The following JAM3 variants were observed in gnomAD, a reference collection of about 807,000 sequenced individuals.
JAM3 encodes the protein junctional adhesion molecule 3, also known as junctional adhesion molecule C.
A neutral mutation model predicts 39.4 loss-of-function variants in JAM3; 31 were observed. That is an observed-to-expected ratio of 0.79 (90% CI 0.59 to 1.06). The LOEUF (loss-of-function observed/expected upper bound fraction) is 1.06, where lower values mean the gene tolerates loss of function less well. Among genes scored for constraint, JAM3 ranks in the 50% least tolerant of loss-of-function variants. The probability of loss-of-function intolerance (pLI) is 0.00; values close to 1 mark genes in which losing one functional copy is unlikely to be tolerated. For missense variants in JAM3, 455 were observed against 391.4 expected, an observed-to-expected ratio of 1.16 and a Z score of -1.37; for synonymous variants, 182 against 148.7, an observed-to-expected ratio of 1.22 and a Z score of -1.63.
intron 1 of JAM3, among the ~76,000 whole-genome samples, chr11:134,085,278 G>A (rs1941729781): frequency 6.6e-6 from 1 of 152,152 alleles, no homozygotes; most frequent in Admixed American, 6.5e-5. Context: ...AATGAATTAT[G>A]AAGTAGAAAG....
At position 134,144,406 on chromosome 11, in the gene JAM3, G is replaced by A. The variant is rs1364769270; in HGVS notation, c.409+13G>A. The A allele has an allele frequency of 1.9e-6, 3 of 1,614,118 alleles. No homozygotes were observed. Among genetic ancestry groups the A allele is most frequent in the Non-Finnish European group, 2.5e-6 (3 of 1,179,972 alleles). Reference sequence around the variant, plus strand: ...TTAACTGTGCAAGGTAGGAGCTCATGCGAAGGTGAGACATTGCCACCATAG... The same window carrying A: ...TTAACTGTGCAAGGTAGGAGCTCATACGAAGGTGAGACATTGCCACCATAG... On this transcript the variant is annotated intron_variant, in intron 4 of 8. Transcript: ENST00000299106.
Position 134,121,416 on chromosome 11 carries a change from G to T in JAM3, c.77-18435G>T, listed in dbSNP as rs182996493. Among the ~76,000 whole-genome samples the T allele has an allele frequency of 8.4e-3, 1,219 of 145,918 alleles. 11 individuals carry two copies. Among genetic ancestry groups the T allele is most frequent in the African/African-American group, 0.03 (1,144 of 38,146 alleles). On this transcript the variant is annotated intron_variant, in intron 1 of 8. Coordinates refer to ENST00000299106, the MANE Select transcript of JAM3 (RefSeq NM_032801.5). ...GCTAGGAAGGCCATTGTGAGCAGAA[G>T]CGAGTCAGTATTTCCTCATTTCCTC...
chr11:134,084,775 T>C (rs1162204144), intron 1 of JAM3, among the ~76,000 whole-genome samples: 1 of 152,214 alleles, frequency 6.6e-6, no homozygotes, highest in African/African-American at 2.4e-5. Flanking sequence ...GGATTTCACC[T>C]AGCAGTGTGT....
Position 134,149,438 on chromosome 11 carries a change from A to T in JAM3, c.*257A>T. ...GTGCGTTCACTGAGTTGGGTTCCTA[A>T]TCTGTTTCTGGCCTGATTCCCGCAT... is the stretch of plus-strand genomic sequence containing the variant. On this transcript the variant is annotated 3_prime_UTR_variant, in exon 9 of 9. Coordinates refer to ENST00000299106, the MANE Select transcript of JAM3 (RefSeq NM_032801.5). 8.4e-6 allele frequency: 5 copies of T among 596,664 alleles called. No individual in the cohort carries two copies. In the South Asian group the frequency reaches 9.6e-5, roughly 11 times the overall value. 37.0% of individuals were successfully genotyped at this position (596,664 alleles called of 1,614,324 possible). A position where few individuals can be genotyped will look rare whatever the true frequency, so the allele number is the denominator to read the frequency against.
chr11:134,128,390 T>G (rs940927576), intron 1 of JAM3, among the ~76,000 whole-genome samples: 2 of 152,188 alleles, frequency 1.3e-5, no homozygotes, highest in Non-Finnish European at 1.5e-5. Flanking sequence ...TCAAGCATAT[T>G]TTGGTACTCA....
At chr11:134,114,596 A>G (rs1228923317) in intron 1 of JAM3, among the ~76,000 whole-genome samples, 1 of 152,148 alleles carries the variant, frequency 6.6e-6, no homozygotes, top group African/African-American at 2.4e-5. Context: ...TTCCCTTTTG[A>G]TTCTTCTTTG....
At chr11:134,106,794 A>C (rs939508947) in intron 1 of JAM3, among the ~76,000 whole-genome samples, 2 of 152,242 alleles carry the variant, frequency 1.3e-5, no homozygotes, top group Non-Finnish European at 2.9e-5. Context: ...ACCATCTCAC[A>C]CCAGTTAGAA....
intron 1 of JAM3, among the ~76,000 whole-genome samples, chr11:134,138,420 G>GA (rs200998737): frequency 1.7e-5 from 2 of 115,410 alleles, no homozygotes; most frequent in African/African-American, 7.6e-5. Context: ...TGCTCATACT[G>GA]GAAGAAATGT....
chr11:134,149,495 A>C lies in JAM3; in HGVS notation c.*314A>C. The C allele has an allele frequency of 1.9e-6, 1 of 518,044 alleles. No homozygotes were observed. Among genetic ancestry groups the C allele is most frequent in the South Asian group, 1.8e-5 (1 of 55,132 alleles). The allele number at this position is 518,044 out of a possible 1,614,324, so 32.1% of individuals were successfully genotyped here. A position where few individuals can be genotyped will look rare whatever the true frequency, so the allele number is the denominator to read the frequency against. On this transcript the variant is annotated 3_prime_UTR_variant, in exon 9 of 9. Transcript: ENST00000299106. ...TAGGGTGATCTTAAAGAGTTTGCTCACGTAAACGCCCGTGCTGGGCCCTGT... is the reference window on the plus strand; with the variant it reads ...TAGGGTGATCTTAAAGAGTTTGCTCCCGTAAACGCCCGTGCTGGGCCCTGT...
intron 5 of JAM3, chr11:134,145,249 G>A (rs1461457225): frequency 1.8e-6 from 1 of 554,908 alleles, no homozygotes; most frequent in Non-Finnish European, 3.2e-6. Flanking sequence ...ATGTTACTAG[G>A]GCCCTGATCG....
At chr11:134,145,853 A>C in intron 5 of JAM3, 93 bp from the exon 6 acceptor site, 1 of 820,894 alleles carries the variant, frequency 1.2e-6, no homozygotes, top group Non-Finnish European at 2.2e-6. Context: ...GCAAGCGAGC[A>C]GGTGTCGACC....
intron 1 of JAM3, among the ~76,000 whole-genome samples, chr11:134,069,595 G>A (rs1326097079): frequency 1.3e-5 from 2 of 151,982 alleles, no homozygotes; most frequent in African/African-American, 4.8e-5. Context: ...TCCTGTGCTG[G>A]GCGGTGGGCT....
chr11:134,080,856 G>A (rs534306852), intron 1 of JAM3, among the ~76,000 whole-genome samples: 13 of 152,272 alleles, frequency 8.5e-5, no homozygotes, highest in African/African-American at 2.6e-4. Flanking sequence ...AGAAAATGTG[G>A]GAAAGTTTGG....
intron 1 of JAM3, among the ~76,000 whole-genome samples, chr11:134,102,383 C>A (rs1942091828): frequency 6.6e-6 from 1 of 152,062 alleles, no homozygotes; most frequent in Admixed American, 6.6e-5. Context: ...TCATCGAGGA[C>A]CAAAGGTAGA....
Position 134,101,131 on chromosome 11 carries a change from C to T in JAM3, c.76+31972C>T, listed in dbSNP as rs75708856. On this transcript the variant is annotated intron_variant, in intron 1 of 8. Transcript: ENST00000299106. Reference sequence around the variant, plus strand: ...GCACTGTGAACATTTCTTCTCTGTTCTTACCCATCTTCAAACAGAAACAAC... The same window carrying T: ...GCACTGTGAACATTTCTTCTCTGTTTTTACCCATCTTCAAACAGAAACAAC... Among the ~76,000 whole-genome samples, 1,102 of 152,256 alleles carry T rather than the reference C, an allele frequency of 7.2e-3. 9 individuals carry two copies. The highest frequency in any genetic ancestry group is 0.025 in the African/African-American group (1,037 of 41,552).
At chr11:134,117,295 T>A (rs2120755364) in intron 1 of JAM3, among the ~76,000 whole-genome samples, 1 of 152,290 alleles carries the variant, frequency 6.6e-6, no homozygotes, top group Non-Finnish European at 1.5e-5. Flanking sequence ...AAGAATTGCT[T>A]GAACCCGGGA....
At chr11:134,130,762 G>A (rs1220831688) in intron 1 of JAM3, among the ~76,000 whole-genome samples, 1 of 152,306 alleles carries the variant, frequency 6.6e-6, no homozygotes, top group African/African-American at 2.4e-5. Flanking sequence ...CTCTCAAACC[G>A]GAGGGAACAG....
chr11:134,119,842 T>G (rs1942501213), intron 1 of JAM3, among the ~76,000 whole-genome samples: 1 of 152,332 alleles, frequency 6.6e-6, no homozygotes, highest in African/African-American at 2.4e-5. Context: ...TGATACTTGG[T>G]TGGGTCTTTT....
intron 1 of JAM3, among the ~76,000 whole-genome samples, chr11:134,110,761 TG>T (rs1591788437): frequency 6.6e-6 from 1 of 152,124 alleles, no homozygotes; most frequent in African/African-American, 2.4e-5. Context: ...ATTGTGGTTG[TG>T]GTGGTGGTGG....
Sources: allele counts gnomAD v4.1 joint callset (sites outside exome capture counted in the v4.1 genomes callset), GRCh38; gene constraint gnomAD v4.1.1; transcripts MANE v1.5; gene names NCBI Gene and HGNC (gene_info 2026-07-23, HGNC 2026-07-21).